The following PALM2AKAP2 variants were observed in gnomAD, a reference collection of about 807,000 sequenced individuals.
The protein encoded by PALM2AKAP2 is PALM2 and AKAP2 fusion.
A neutral mutation model predicts 71.5 loss-of-function variants in PALM2AKAP2; 37 were observed. The observed-to-expected ratio is 0.52, with a 90% CI of 0.40 to 0.68. The LOEUF (loss-of-function observed/expected upper bound fraction) is 0.68, where lower values mean the gene tolerates loss of function less well. PALM2AKAP2 is among the 30% of genes least tolerant of loss of function. The pLI is 0.00. For missense variants in PALM2AKAP2, 1,224 were observed against 1,191.8 expected, an observed-to-expected ratio of 1.03 and a Z score of -0.40; for synonymous variants, 468 against 478.8, an observed-to-expected ratio of 0.98 and a Z score of 0.29.
intron 2 of PALM2AKAP2, among the ~76,000 whole-genome samples, chr9:110,144,837 C>T (rs1836124145): frequency 6.6e-6 from 1 of 152,096 alleles, no homozygotes. Context: ...GAGTTGTGGA[C>T]CTGTAATAAT....
chr9:109,758,834 G>A (rs755198550), intron 1 of PALM2AKAP2, among the ~76,000 whole-genome samples: 5 of 152,158 alleles, frequency 3.3e-5, no homozygotes, highest in Non-Finnish European at 5.9e-5. Flanking sequence ...TGAGTCTCAT[G>A]TTGGCTCTTT....
At chr9:110,043,605 A>G (rs1462686402) in intron 7 of PALM2AKAP2, among the ~76,000 whole-genome samples, 1 of 152,010 alleles carries the variant, frequency 6.6e-6, no homozygotes, top group East Asian at 1.9e-4. Context: ...GCAAAAAAAA[A>G]TTAGTCCAAT....
At chr9:109,980,747 G>A (rs1241988409) in intron 6 of PALM2AKAP2, among the ~76,000 whole-genome samples, 1 of 152,222 alleles carries the variant, frequency 6.6e-6, no homozygotes, top group African/African-American at 2.4e-5. Flanking sequence ...GGCTGGAGCT[G>A]CCACATACAG....
chr9:109,808,433 G>A (rs1324499596), intron 1 of PALM2AKAP2, among the ~76,000 whole-genome samples: 2 of 152,200 alleles, frequency 1.3e-5, no homozygotes, highest in South Asian at 2.1e-4. Context: ...TGAGAGAGAC[G>A]ATTTTGGGGC....
intron 1 of PALM2AKAP2, among the ~76,000 whole-genome samples, chr9:109,861,651 T>G (rs1829313209): frequency 6.6e-6 from 1 of 152,188 alleles, no homozygotes; most frequent in Non-Finnish European, 1.5e-5. Flanking sequence ...TGTCAGCTCA[T>G]TATGCTTTTC....
intron 1 of PALM2AKAP2, among the ~76,000 whole-genome samples, chr9:109,668,935 T>G (rs1827532784): frequency 6.6e-6 from 1 of 152,240 alleles, no homozygotes; most frequent in African/African-American, 2.4e-5. Context: ...CCTATCTTGA[T>G]ACTCTCAAAG....
At chr9:109,714,620 A>G (rs921926042) in intron 1 of PALM2AKAP2, among the ~76,000 whole-genome samples, 1 of 152,204 alleles carries the variant, frequency 6.6e-6, no homozygotes, top group Non-Finnish European at 1.5e-5. Flanking sequence ...ATGAGCAGCT[A>G]CTAGCTGATC....
At chr9:110,074,477 T>A (rs753350700) in intron 1 of PALM2AKAP2, among the ~76,000 whole-genome samples, 18 of 152,190 alleles carry the variant, frequency 1.2e-4, no homozygotes, top group Non-Finnish European at 1.9e-4. Context: ...GCATGAGGTC[T>A]ATGGTTTACA....
upstream of PALM2AKAP2, among the ~76,000 whole-genome samples, chr9:110,046,532 G>A (rs1308587326): frequency 3.5e-5 from 5 of 143,448 alleles, no homozygotes; most frequent in Non-Finnish European, 7.4e-5. Context: ...GCAATGGCAC[G>A]ATCTCGGCTC....
rs370023354 is a variant in PALM2AKAP2 at position 110,073,394 on chromosome 9, A to G, written c.156+24539A>G. Among the ~76,000 whole-genome samples, 29 of 152,312 alleles carry G rather than the reference A, an allele frequency of 1.9e-4. 1 individual carries two copies. In the East Asian group the frequency reaches 4.3e-3, roughly 22 times the overall value. Reference sequence around the variant, plus strand: ...CTCATGACCTGAGCTGAGAATTGCCATGGCTGAAACAGCTTTTATAGGGTG... The same window carrying G: ...CTCATGACCTGAGCTGAGAATTGCCGTGGCTGAAACAGCTTTTATAGGGTG... On this transcript the variant is annotated intron_variant, in intron 1 of 3. Transcript: ENST00000374525.
rs906509126 is a variant in PALM2AKAP2, at chr9:109,888,031, G to GC, written c.257+7355dup. Among the ~76,000 whole-genome samples, 4 of 152,154 alleles carry GC rather than the reference G, an allele frequency of 2.6e-5. 1 individual carries two copies. In the South Asian group the frequency reaches 6.2e-4, roughly 24 times the overall value. ...GGGTGGTCATCATGATGGTGAGACT[G>GC]CCCCCTTCAGGTTCTTTCATGAAGT... On this transcript the variant is annotated intron_variant, in intron 3 of 9. Coordinates refer to the PALM2AKAP2 transcript ENST00000302798.
At chr9:109,676,672 C>A (rs940822287) in intron 1 of PALM2AKAP2, among the ~76,000 whole-genome samples, 3 of 152,074 alleles carry the variant, frequency 2.0e-5, no homozygotes, top group Non-Finnish European at 2.9e-5. Flanking sequence ...CCCCAAGATG[C>A]ACCAACTTTA....
chr9:109,727,064 C>T (rs1445917268), intron 1 of PALM2AKAP2, among the ~76,000 whole-genome samples: 6 of 152,194 alleles, frequency 3.9e-5, no homozygotes, highest in South Asian at 4.1e-4. Context: ...CTAACCATAT[C>T]GCAGAAATTT....
At chr9:109,649,197 A>T (rs1343145611) in intron 1 of PALM2AKAP2, among the ~76,000 whole-genome samples, 1 of 151,470 alleles carries the variant, frequency 6.6e-6, no homozygotes, top group Non-Finnish European at 1.5e-5. Flanking sequence ...TGTTCTGAAG[A>T]GTCATATTTT....
chr9:110,015,611 A>G (rs1832967711), intron 6 of PALM2AKAP2, among the ~76,000 whole-genome samples: 1 of 152,134 alleles, frequency 6.6e-6, no homozygotes, highest in Non-Finnish European at 1.5e-5. Context: ...GGTCTCAATA[A>G]ATAAATAAAT....
chr9:110,002,278 G>T (rs2132281632), intron 6 of PALM2AKAP2, among the ~76,000 whole-genome samples: 1 of 152,166 alleles, frequency 6.6e-6, no homozygotes, highest in Admixed American at 6.5e-5. Context: ...TAATCATGTG[G>T]TTTTTGTCAT....
chr9:109,683,176 C>T (rs1373345874), intron 1 of PALM2AKAP2, among the ~76,000 whole-genome samples: 3 of 152,166 alleles, frequency 2.0e-5, no homozygotes, highest in South Asian at 2.1e-4. Flanking sequence ...CCCCAGAAGC[C>T]GAGCAGATGC....
intron 6 of PALM2AKAP2, among the ~76,000 whole-genome samples, chr9:109,983,066 T>C (rs1389444762): frequency 6.6e-6 from 1 of 152,180 alleles, no homozygotes; most frequent in African/African-American, 2.4e-5. Flanking sequence ...CCTCACCTAC[T>C]TCAAAAGTTT....
chr9:110,054,314 G>A (rs911109845), intron 1 of PALM2AKAP2, among the ~76,000 whole-genome samples: 20 of 152,052 alleles, frequency 1.3e-4, no homozygotes, highest in Admixed American at 4.6e-4. Flanking sequence ...CAGGAGGATC[G>A]CTTGAACCCA....
Sources: allele counts gnomAD v4.1 joint callset (sites outside exome capture counted in the v4.1 genomes callset), GRCh38; gene constraint gnomAD v4.1.1; transcripts MANE v1.5; gene names NCBI Gene and HGNC (gene_info 2026-07-23, HGNC 2026-07-21).